Variants in TPST2 observed in about 807,000 individuals in gnomAD.
TPST2 encodes the protein tyrosylprotein sulfotransferase 2, also known as protein-tyrosine sulfotransferase 2.
In TPST2, 16 loss-of-function variants were observed where a neutral mutation model predicts 27.8. The observed-to-expected ratio is 0.58, with a 90% confidence interval of 0.39 to 0.88. The LOEUF is 0.88. Among genes scored for constraint, TPST2 ranks in the 40% least tolerant of loss-of-function variants. The pLI is 0.00. For synonymous variants in TPST2, 229 were observed against 231.7 expected (o/e 0.99, Z 0.10); for missense variants, 464 against 543.1 (o/e 0.85, Z 1.45).
At chr22:26,556,867 C>T (rs1319353524) in intron 1 of TPST2, among the ~76,000 whole-genome samples, 2 of 152,214 alleles carry the variant, frequency 1.3e-5, no homozygotes, top group Admixed American at 6.5e-5. Flanking sequence ...GGGATTTGCA[C>T]CAGAAACACT....
chr22:26,578,841 A>C (rs901793109), intron 1 of TPST2, among the ~76,000 whole-genome samples: 1 of 146,824 alleles, frequency 6.8e-6, no homozygotes, highest in South Asian at 2.2e-4. Context: ...GCTGGACCCT[A>C]TTTCTTTCTT....
intron 1 of TPST2, among the ~76,000 whole-genome samples, chr22:26,557,079 C>T (rs1273482397): frequency 6.6e-6 from 1 of 152,228 alleles, no homozygotes; most frequent in African/African-American, 2.4e-5. Flanking sequence ...GAGATGGCAA[C>T]TGTTATAAAA....
In TPST2 at chr22:26,541,355, G is replaced by A. The variant is rs17851532; in HGVS notation, c.276C>T (p.Pro92=). ...TLMRAMLDAH[P]EVRCGEETRI... is the part of the protein sequence containing the mutation. ...GGGTCTCCTCGCCGCAGCGCACCTC[G>A]GGGTGCGCGTCCAGCATGGCGCGCA... Residue 92 remains proline (P), a synonymous_variant, in exon 3 of 7, where the codon CCC becomes CCT. Transcript: ENST00000338754. The surrounding 1 kb of genome is among the most constrained non-coding windows in gnomAD (Gnocchi z 5.9). 0.079 allele frequency: 121,990 copies of A among 1,551,650 alleles called. 5,519 individuals carry two copies. Among genetic ancestry groups the A allele is most frequent in the Non-Finnish European group, 0.092 (105,146 of 1,147,214 alleles).
At chr22:26,528,609 G>A (rs1438359470) in intron 5 of TPST2, among the ~76,000 whole-genome samples, 2 of 152,204 alleles carry the variant, frequency 1.3e-5, no homozygotes, top group Non-Finnish European at 2.9e-5. Context: ...CATTTCAGCT[G>A]TGGTATAATA....
At chr22:26,560,783 AAAG>A (rs1927046472) in intron 1 of TPST2, 2 of 1,292,362 alleles carry the variant, frequency 1.5e-6, no homozygotes, top group Non-Finnish European at 2.3e-6. Flanking sequence ...GGGAGACAAA[AAAG>A]AAGTTCAAGG....
intron 1 of TPST2, among the ~76,000 whole-genome samples, chr22:26,576,152 T>C (rs1373494650): frequency 2.0e-5 from 3 of 151,518 alleles, no homozygotes; most frequent in African/African-American, 7.3e-5. Context: ...GACTGTGGAG[T>C]GCTAAGTTCA....
intron 1 of TPST2, among the ~76,000 whole-genome samples, chr22:26,570,317 G>C (rs1324907457): frequency 6.6e-6 from 1 of 152,122 alleles, no homozygotes; most frequent in African/African-American, 2.4e-5. Context: ...TTGAGCTTCA[G>C]CCTCTGATCA....
At chr22:26,569,223 C>T (rs1006942445) in intron 1 of TPST2, among the ~76,000 whole-genome samples, 2 of 152,076 alleles carry the variant, frequency 1.3e-5, no homozygotes, top group African/African-American at 4.8e-5. Flanking sequence ...TGGATCGGGA[C>T]CCCGTTCCAG....
chr22:26,527,021 G>A (rs1924880717), intron 6 of TPST2, among the ~76,000 whole-genome samples: 1 of 152,234 alleles, frequency 6.6e-6, no homozygotes, highest in South Asian at 2.1e-4. Context: ...GGAGATTGCT[G>A]TGAGCTGAGA....
In TPST2 at chr22:26,540,889, AG is replaced by A; in HGVS notation, c.741del (p.Ser248HisfsTer102). On this transcript the variant is annotated frameshift_variant, in exon 3 of 7. Transcript: ENST00000338754. LOFTEE classifies it high-confidence loss of function. ...YYEQLVLHPR[R>X]SLKLILDFLG... ...AGGAAGTCGAGGATGAGCTTGAGTG[AG>A]CGCCTGGGGTGCAGCACCAGCTGCT... 6.2e-7 allele frequency: 1 copy of A among 1,614,148 alleles called. No individual in the cohort carries two copies. The highest frequency in any genetic ancestry group is 1.1e-5 in the South Asian group (1 of 91,078).
chr22:26,576,862 C>T (rs375917409), intron 1 of TPST2, among the ~76,000 whole-genome samples: 4 of 151,166 alleles, frequency 2.6e-5, no homozygotes, highest in East Asian at 1.9e-4. Flanking sequence ...TTTGGGAGGC[C>T]GAGGCGGGTG....
At chr22:26,551,561 AT>A (rs1050831296) in intron 1 of TPST2, among the ~76,000 whole-genome samples, 3 of 150,924 alleles carry the variant, frequency 2.0e-5, no homozygotes, top group Non-Finnish European at 4.4e-5. Context: ...CTTGCTTTGC[AT>A]TTTTTTTTAC....
chr22:26,577,285 G>GTGAA (rs1927885051), intron 1 of TPST2, among the ~76,000 whole-genome samples: 1 of 131,934 alleles, frequency 7.6e-6, no homozygotes, highest in South Asian at 2.6e-4. Flanking sequence ...AAAAAAAAAA[G>GTGAA]TGAACATGCA....
chr22:26,567,871 A>G (rs1207867984), intron 1 of TPST2, among the ~76,000 whole-genome samples: 4 of 152,242 alleles, frequency 2.6e-5, no homozygotes, highest in Non-Finnish European at 5.9e-5. Flanking sequence ...TTGTGGGATC[A>G]TTACATAACT....
At chr22:26,555,859 A>C (rs1926767685) in intron 1 of TPST2, among the ~76,000 whole-genome samples, 1 of 152,212 alleles carries the variant, frequency 6.6e-6, no homozygotes, top group Non-Finnish European at 1.5e-5. Context: ...CTCTGGCTGG[A>C]TCATGAATAA....
At chr22:26,544,538 G>A (rs1926020247) in intron 2 of TPST2, 66 bp downstream of exon 2, 1 of 908,892 alleles carries the variant, frequency 1.1e-6, no homozygotes, top group Admixed American at 6.2e-5. Context: ...GCATGGAGGG[G>A]ACTTTTGGAG....
Position 26,523,039 on chromosome 22 carries a change from G to A in TPST2, c.*3236C>T, listed in dbSNP as rs912653525. 9.9e-5 allele frequency: 15 copies of A among 150,936 alleles called. No homozygotes were observed. The highest frequency in any genetic ancestry group is 2.1e-4 in the Non-Finnish European group (14 of 67,700). 9.3% of individuals were successfully genotyped at this position (150,936 alleles called of 1,614,324 possible). On this transcript the variant is annotated 3_prime_UTR_variant, in exon 7 of 7. Transcript: ENST00000338754. Reference sequence around the variant, plus strand: ...TTGCAGGAGTTAGAGGTTGCAGTGAGCTGTGTTTGCAGGAGTTAGAGGTTG... The same window carrying A: ...TTGCAGGAGTTAGAGGTTGCAGTGAACTGTGTTTGCAGGAGTTAGAGGTTG...
intron 1 of TPST2, among the ~76,000 whole-genome samples, chr22:26,573,438 C>A (rs1414259246): frequency 6.6e-6 from 1 of 152,214 alleles, no homozygotes; most frequent in African/African-American, 2.4e-5. Flanking sequence ...AGATGTGACT[C>A]TAGAGTATCT....
chr22:26,569,949 C>CAA (rs71192942), intron 1 of TPST2, among the ~76,000 whole-genome samples: 1 of 41,270 alleles, frequency 2.4e-5, no homozygotes, highest in Non-Finnish European at 4.6e-5. Flanking sequence ...AAGACTCTGT[C>CAA]AAAAAAAAAA....
Sources: gnomAD v4.1 joint callset for allele counts (sites outside exome capture counted in the v4.1 genomes callset) on GRCh38, gnomAD v4.1.1 for gene constraint, Gnocchi (gnomAD v3.1) non-coding constraint, MANE v1.5 for transcripts, NCBI Gene and HGNC (gene_info 2026-07-23, HGNC 2026-07-21) for gene names.